Variants in PARD3 observed in about 807,000 individuals in gnomAD.
PARD3 encodes par-3 family cell polarity regulator, also known as partitioning defective 3 homolog.
A neutral mutation model predicts 155.4 loss-of-function variants in PARD3; 75 were observed. The ratio of observed to expected loss-of-function variants is 0.48; its 90% CI spans 0.40 to 0.58. The LOEUF is 0.58. Among genes scored for constraint, PARD3 ranks in the 20% least tolerant of loss-of-function variants. PARD3 has a pLI of 0.00. For missense variants in PARD3, 1,642 were observed against 1,721.7 expected (o/e 0.95, Z 0.82); for synonymous variants, 576 against 610.5 (o/e 0.94, Z 0.83).
At chr10:34,134,546 C>T (rs188447165) in intron 22 of PARD3, among the ~76,000 whole-genome samples, 5 of 152,318 alleles carry the variant, frequency 3.3e-5, no homozygotes, top group African/African-American at 9.6e-5. Flanking sequence ...TCTGGTGACA[C>T]TGGTGTTTTT....
rs538800374 is a variant in PARD3 at position 34,772,463 on chromosome 10, A to T, written c.120+42413T>A. On this transcript the variant is annotated intron_variant, in intron 1 of 24. Coordinates refer to ENST00000374788, the MANE Select transcript of PARD3 (RefSeq NM_001184785.2). ...TATCAAATGTAAGACAGTATCTTTA[A>T]ATCAAAGTAAATACAAATGATCTAA... 2.0e-5 allele frequency among the ~76,000 whole-genome samples: 3 copies of T among 152,034 alleles called. No homozygotes were observed. In the South Asian group the frequency reaches 6.2e-4, roughly 32 times the overall value.
At chr10:34,276,354 T>C (rs1212177248) in intron 21 of PARD3, among the ~76,000 whole-genome samples, 1 of 152,176 alleles carries the variant, frequency 6.6e-6, no homozygotes, top group African/African-American at 2.4e-5. Context: ...ATAAGGTTAA[T>C]TTCTTTCCTG....
At position 34,364,464 on chromosome 10, in the gene PARD3, C is replaced by G. The variant is rs573077971; in HGVS notation, c.1708-4205G>C. Among the ~76,000 whole-genome samples, 3 of 151,752 alleles carry G rather than the reference C, an allele frequency of 2.0e-5. No individual in the cohort carries two copies. In the East Asian group the frequency reaches 5.8e-4, roughly 29 times the overall value. On this transcript the variant is annotated intron_variant, in intron 12 of 24. Coordinates refer to ENST00000374788, the MANE Select transcript of PARD3 (RefSeq NM_001184785.2). ...TTTTTTTTAAAGACAGGGTCTTGCTCTGTCATCCAGGCTGGAGTGCAGTGG... is the reference window on the plus strand; with the variant it reads ...TTTTTTTTAAAGACAGGGTCTTGCTGTGTCATCCAGGCTGGAGTGCAGTGG...
chr10:34,530,503 G>A (rs770746913), intron 2 of PARD3, among the ~76,000 whole-genome samples: 2 of 152,060 alleles, frequency 1.3e-5, no homozygotes, highest in Non-Finnish European at 2.9e-5. Context: ...CTAAGCTGTG[G>A]TATCTATGAG....
At chr10:34,712,746 C>T (rs929599725) in intron 1 of PARD3, among the ~76,000 whole-genome samples, 9 of 151,852 alleles carry the variant, frequency 5.9e-5, no homozygotes, top group African/African-American at 2.2e-4. Flanking sequence ...ATAAAGATGG[C>T]AACAATAAAC....
chr10:34,492,875 TA>T (rs1243186366), intron 3 of PARD3, among the ~76,000 whole-genome samples: 1 of 152,232 alleles, frequency 6.6e-6, no homozygotes, highest in African/African-American at 2.4e-5. Flanking sequence ...ACTACCAATA[TA>T]GTAGCTGCAG....
In PARD3 at chr10:34,345,823, C is replaced by T. The variant is rs1467508148; in HGVS notation, c.2218+2142G>A. The T allele has an allele frequency of 7.1e-6, 7 of 985,024 alleles. No individual in the cohort carries two copies. The East Asian group carries it at 4.5e-4, about 64-fold the overall frequency. 61.0% of individuals were successfully genotyped at this position (985,024 alleles called of 1,614,324 possible). On this transcript the variant is annotated intron_variant, in intron 15 of 24. Coordinates refer to ENST00000374788, the MANE Select transcript of PARD3 (RefSeq NM_001184785.2). ...TAACTTTAAGTGGTAACTAATTTCA[C>T]AAATTGCATTTGATTCTTACGGCCA...
At chr10:34,513,028 T>C (rs547992316) in intron 3 of PARD3, among the ~76,000 whole-genome samples, 1 of 152,312 alleles carries the variant, frequency 6.6e-6, no homozygotes, top group South Asian at 2.1e-4. Context: ...ACTCTTGTTA[T>C]GTTTAGGCTA....
intron 12 of PARD3, among the ~76,000 whole-genome samples, chr10:34,363,045 C>T (rs1381859657): frequency 2.0e-5 from 3 of 152,174 alleles, no homozygotes; most frequent in Non-Finnish European, 2.9e-5. Flanking sequence ...TATGGACACA[C>T]CTAAGTCTCA....
At chr10:34,644,600 G>A (rs2092779028) in intron 2 of PARD3, among the ~76,000 whole-genome samples, 1 of 152,130 alleles carries the variant, frequency 6.6e-6, no homozygotes, top group South Asian at 2.1e-4. Flanking sequence ...CTAATCTAGG[G>A]AATAAGGACA....
At chr10:34,131,631 T>G (rs1437984437) in intron 22 of PARD3, 48 bp from the exon 23 acceptor site, 2 of 1,575,320 alleles carry the variant, frequency 1.3e-6, no homozygotes, top group Admixed American at 3.4e-5. Flanking sequence ...AAATATTATC[T>G]GTGAACTGCA....
chr10:34,756,545 G>A (rs1412542084), intron 1 of PARD3, among the ~76,000 whole-genome samples: 2 of 138,732 alleles, frequency 1.4e-5, no homozygotes, highest in African/African-American at 2.7e-5. Flanking sequence ...AGTCCTGAAC[G>A]CCTGAGCTCA....
chr10:34,360,409 T>A, intron 12 of PARD3, 150 bp from the exon 13 acceptor site: 1 of 563,788 alleles, frequency 1.8e-6, no homozygotes, highest in South Asian at 2.8e-5. Flanking sequence ...AAACACTACA[T>A]CTGCACCCAC....
chr10:34,556,714 T>C (rs2085030573), intron 2 of PARD3, among the ~76,000 whole-genome samples: 1 of 152,120 alleles, frequency 6.6e-6, no homozygotes, highest in African/African-American at 2.4e-5. Flanking sequence ...CAGATGAGCG[T>C]AGTGTTTATT....
At chr10:34,205,590 G>C (rs891748272) in intron 22 of PARD3, among the ~76,000 whole-genome samples, 1 of 152,286 alleles carries the variant, frequency 6.6e-6, no homozygotes, top group East Asian at 1.9e-4. Flanking sequence ...TTTGAAAGAA[G>C]AATGCCAGGC....
At chr10:34,418,926 A>C (rs527623415) in intron 5 of PARD3, among the ~76,000 whole-genome samples, 28 of 143,166 alleles carry the variant, frequency 2.0e-4, no homozygotes, top group Admixed American at 1.9e-3. Flanking sequence ...ACATGTCACC[A>C]TAACAGGCTA....
At chr10:34,779,971 T>TA in intron 1 of PARD3, among the ~76,000 whole-genome samples, 1 of 152,302 alleles carries the variant, frequency 6.6e-6, no homozygotes, top group Middle Eastern at 3.4e-3. Context: ...ACAATGACAG[T>TA]AATGCCACCG....
At chr10:34,348,528 G>A (rs1837665751) in intron 14 of PARD3, among the ~76,000 whole-genome samples, 1 of 152,052 alleles carries the variant, frequency 6.6e-6, no homozygotes, top group South Asian at 2.1e-4. Context: ...TTAGCTATAG[G>A]TCTTAAACTT....
chr10:34,376,618 A>G (rs897543605), intron 10 of PARD3, among the ~76,000 whole-genome samples: 56 of 152,344 alleles, frequency 3.7e-4, no homozygotes, highest in African/African-American at 1.2e-3. Context: ...AACAGTGCCT[A>G]TTTAACATAC....
Sources: gnomAD v4.1 joint callset for allele counts (sites outside exome capture counted in the v4.1 genomes callset) on GRCh38, gnomAD v4.1.1 for gene constraint, MANE v1.5 for transcripts, NCBI Gene and HGNC (gene_info 2026-07-23, HGNC 2026-07-21) for gene names.